The following RASGEF1B variants were observed in gnomAD, a reference collection of about 807,000 sequenced individuals.
The protein encoded by RASGEF1B is RasGEF domain family member 1B, also known as ras-GEF domain-containing family member 1B.
In RASGEF1B, 30 loss-of-function variants were observed where a neutral mutation model predicts 65.7. That is an observed-to-expected ratio of 0.46 (90% CI 0.34 to 0.62). RASGEF1B has a LOEUF of 0.62. Among genes scored for constraint, RASGEF1B ranks in the 20% least tolerant of loss-of-function variants. The pLI is 0.01. For synonymous variants in RASGEF1B, 175 were observed against 194.8 expected (o/e 0.90, Z 0.85); for missense variants, 495 against 580.1 (o/e 0.85, Z 1.51).
rs570663335 is a variant in RASGEF1B at position 81,456,534 on chromosome 4, T to C, written c.438+117A>G. 1.0e-3 allele frequency: 1,144 copies of C among 1,110,344 alleles called. 1 individual carries two copies. The highest frequency in any genetic ancestry group is 1.5e-3 in the Non-Finnish European group (1,065 of 730,956). 68.8% of individuals were successfully genotyped at this position (1,110,344 alleles called of 1,614,324 possible). Reference sequence around the variant, plus strand: ...AGACCAATATGTGATGTGGAGGGCTTGCCCAAAGGCAAAACAGAGAGGAAG... The same window carrying C: ...AGACCAATATGTGATGTGGAGGGCTCGCCCAAAGGCAAAACAGAGAGGAAG... On this transcript the variant is annotated intron_variant, in intron 4 of 13. Transcript: ENST00000264400.
chr4:81,442,474 G>T, intron 8 of RASGEF1B, 98 bp from the exon 9 acceptor site: 1 of 724,266 alleles, frequency 1.4e-6, no homozygotes, highest in Non-Finnish European at 2.4e-6. Context: ...TCATTACTAA[G>T]TGAGAATTCT....
intron 1 of RASGEF1B, among the ~76,000 whole-genome samples, chr4:81,466,544 A>G (rs574626728): frequency 9.2e-5 from 14 of 152,032 alleles, no homozygotes; most frequent in South Asian, 8.3e-4. Flanking sequence ...CAGATCACAA[A>G]GTCAGCAGAT....
chr4:81,449,160 A>T (rs1016457265), intron 4 of RASGEF1B, among the ~76,000 whole-genome samples: 1 of 152,190 alleles, frequency 6.6e-6, no homozygotes, highest in African/African-American at 2.4e-5. Flanking sequence ...ATGAGGAAGC[A>T]GTGGATATTC....
At chr4:81,456,598 A>C (rs756916310) in intron 4 of RASGEF1B, 53 bp downstream of exon 4, 1 of 1,601,640 alleles carries the variant, frequency 6.2e-7, no homozygotes, top group Non-Finnish European at 8.5e-7. Flanking sequence ...ACCATTTCCC[A>C]CCCAGGCTCT....
intron 4 of RASGEF1B, chr4:81,453,441 C>T (rs1165388913): frequency 3.9e-5 from 6 of 152,118 alleles, no homozygotes; most frequent in Admixed American, 6.5e-5. Flanking sequence ...AACGTAAATG[C>T]TATGTAAATC....
At chr4:81,466,956 G>GA (rs998261950) in intron 1 of RASGEF1B, among the ~76,000 whole-genome samples, 6 of 121,826 alleles carry the variant, frequency 4.9e-5, no homozygotes, top group Non-Finnish European at 7.0e-5. Flanking sequence ...AAAAAAAAAA[G>GA]AAAAAAAAGG....
intron 1 of RASGEF1B, among the ~76,000 whole-genome samples, chr4:81,461,871 T>G (rs1722659417): frequency 1.3e-5 from 2 of 152,196 alleles, no homozygotes; most frequent in Admixed American, 6.5e-5. Context: ...GGCACATCGC[T>G]GCACTCTTGC....
chr4:81,466,808 A>AAG (rs1722846995), intron 1 of RASGEF1B, among the ~76,000 whole-genome samples: 3 of 150,010 alleles, frequency 2.0e-5, no homozygotes, highest in African/African-American at 7.4e-5. Flanking sequence ...GAAAGAAAGA[A>AAG]AGAAAGAAAG....
chr4:81,464,259 A>T (rs1247195522), intron 1 of RASGEF1B, among the ~76,000 whole-genome samples: 1 of 152,182 alleles, frequency 6.6e-6, no homozygotes, highest in Non-Finnish European at 1.5e-5. Flanking sequence ...ATCAATGGGG[A>T]CCAGCTAACA....
intron 3 of RASGEF1B, 50 bp downstream of exon 3, chr4:81,457,449 A>T (rs1289917303): frequency 6.3e-7 from 1 of 1,597,512 alleles, no homozygotes; most frequent in African/African-American, 1.3e-5. Context: ...CACAAAATCT[A>T]AGCCATAAAG....
At position 81,440,911 on chromosome 4, in the gene RASGEF1B, T is replaced by C. The variant is rs200869078; in HGVS notation, c.1027A>G (p.Ser343Gly). The C allele has an allele frequency of 2.4e-4, 389 of 1,611,198 alleles. 1 individual carries two copies. The highest frequency in any genetic ancestry group is 3.1e-4 in the Non-Finnish European group (371 of 1,177,810). The change falls in exon 10 of 14, where the codon AGC becomes GGC. Residue 343 changes from serine to glycine, a missense_variant. By Grantham distance (56) the Ser-to-Gly change is moderately conservative. Coordinates refer to ENST00000264400, the MANE Select transcript of RASGEF1B (RefSeq NM_152545.3). ...GCTGTTCGATAATTATAGAAATTGC[T>C]TGAAGGGTCCATCTGATGCTATAGA... ...DILEHQMDPS[S>G]NFYNYRTALR... is the part of the protein sequence containing the mutation.
intron 2 of RASGEF1B, 35 bp downstream of exon 2, chr4:81,459,297 C>A (rs772053305): frequency 1.3e-6 from 2 of 1,494,428 alleles, no homozygotes; most frequent in Non-Finnish European, 1.8e-6. Flanking sequence ...CTACTCATTG[C>A]CAAGGATGTG....
chr4:81,462,557 T>C (rs192743708), intron 1 of RASGEF1B, among the ~76,000 whole-genome samples: 3 of 152,340 alleles, frequency 2.0e-5, no homozygotes, highest in Admixed American at 1.3e-4. Context: ...AACTTGCACA[T>C]AGCAATAACC....
At chr4:81,434,307 T>A (rs1721534701) in intron 11 of RASGEF1B, among the ~76,000 whole-genome samples, 1 of 152,194 alleles carries the variant, frequency 6.6e-6, no homozygotes, top group African/African-American at 2.4e-5. Context: ...CATCTTGGCC[T>A]CCTAACGCAC....
chr4:81,455,735 A>T (rs1229669817), intron 4 of RASGEF1B: 1 of 152,218 alleles, frequency 6.6e-6, no homozygotes, highest in Non-Finnish European at 1.5e-5. Context: ...CACAGCTAGT[A>T]GTTAGTGCTT....
At position 81,427,628 on chromosome 4, in the gene RASGEF1B, G is replaced by C. The variant is rs149035093; in HGVS notation, c.*140C>G. The C allele has an allele frequency of 2.7e-4, 206 of 776,874 alleles. 3 individuals are homozygous for C. The East Asian group carries it at 5.6e-3, about 21-fold the overall frequency. 48.1% of individuals were successfully genotyped at this position (776,874 alleles called of 1,614,324 possible). ...TCTCCATCTGGTCTTGAGTGAGCTT[G>C]TGTGCTTTGCTGACCCGGGTGCTCC... On this transcript the variant is annotated 3_prime_UTR_variant, in exon 14 of 14. Transcript: ENST00000264400.
chr4:81,465,084 C>CAA (rs113774656), intron 1 of RASGEF1B, among the ~76,000 whole-genome samples: 13 of 91,798 alleles, frequency 1.4e-4, no homozygotes, highest in African/African-American at 4.0e-4. Context: ...AACTCCATCT[C>CAA]AAAAAAAAAA....
intron 1 of RASGEF1B, among the ~76,000 whole-genome samples, chr4:81,461,253 T>G (rs933712972): frequency 7.1e-6 from 1 of 141,308 alleles, no homozygotes; most frequent in African/African-American, 2.5e-5. Context: ...AAACTCATAG[T>G]GCCCTCAAAC....
chr4:81,441,823 G>A (rs981813757), intron 9 of RASGEF1B, among the ~76,000 whole-genome samples: 5 of 152,122 alleles, frequency 3.3e-5, no homozygotes, highest in East Asian at 1.9e-4. Context: ...GATTACAGGC[G>A]TGAGCCACTG....
Sources: allele counts gnomAD v4.1 joint callset (sites outside exome capture counted in the v4.1 genomes callset), GRCh38; gene constraint gnomAD v4.1.1; transcripts MANE v1.5; gene names NCBI Gene and HGNC (gene_info 2026-07-23, HGNC 2026-07-21).